Variants in A2M observed in about 807,000 individuals in gnomAD.
A2M encodes the protein alpha-2-macroglobulin.
Under a neutral mutation model 183.9 loss-of-function variants are expected in A2M, and 128 were observed. That is an observed-to-expected ratio of 0.70 (90% CI 0.60 to 0.81). The LOEUF is 0.81. Among genes scored for constraint, A2M ranks in the 30% least tolerant of loss-of-function variants. The pLI is 0.00. For missense variants in A2M, 1,495 were observed against 1,787.6 expected, an observed-to-expected ratio of 0.84 and a Z score of 2.95; for synonymous variants, 592 against 670.8, an observed-to-expected ratio of 0.88 and a Z score of 1.81.
rs112712055 is a variant in A2M at position 9,090,484 on chromosome 12, T to C, written c.2470-2A>G. On this transcript the variant is annotated splice_acceptor_variant, in intron 19 of 35. Transcript: ENST00000318602. LOFTEE classifies it high-confidence loss of function. ...AGAGGCTTCCAGCTGCACACTGACC[T>C]GAAACCACACATAAGAAAGGGAGTA... 6.2e-7 allele frequency: 1 copy of C among 1,613,470 alleles called. No homozygotes were observed. The highest frequency in any genetic ancestry group is 1.7e-5 in the Admixed American group (1 of 60,006).
rs771205852 is a variant in A2M at position 9,107,683 on chromosome 12, C to A, written c.759-39G>T. 19 of 1,607,840 alleles carry A rather than the reference C, an allele frequency of 1.2e-5. No individual in the cohort carries two copies. In the Admixed American group the frequency reaches 3.2e-4, roughly 27 times the overall value. On this transcript the variant is annotated intron_variant, in intron 7 of 35. Coordinates refer to ENST00000318602, the MANE Select transcript of A2M (RefSeq NM_000014.6). ...ATTCCCAAAGGAATCAGAGCAGACA[C>A]TGAACCTCCCCATTTTCTAGCTATT...
intron 33 of A2M, 147 bp from the exon 34 acceptor site, chr12:9,068,989 C>T: frequency 1.9e-6 from 1 of 535,662 alleles, no homozygotes; most frequent in Non-Finnish European, 3.2e-6. Flanking sequence ...GCAGAAATCT[C>T]TCAGAGGGGA....
At chr12:9,074,886 A>G in intron 28 of A2M, 103 bp from the exon 29 acceptor site, 1 of 1,196,960 alleles carries the variant, frequency 8.4e-7, no homozygotes, top group Non-Finnish European at 1.2e-6. Flanking sequence ...CATGCCCATT[A>G]TAATCCCCTG....
chr12:9,111,397 G>C (rs1251479121), intron 4 of A2M: 2 of 392,260 alleles, frequency 5.1e-6, no homozygotes, highest in African/African-American at 4.2e-5. Context: ...CCTCATTTTA[G>C]ACAGAGGAGT....
At chr12:9,111,276 T>C (rs1391524500) in intron 4 of A2M, among the ~76,000 whole-genome samples, 1 of 152,146 alleles carries the variant, frequency 6.6e-6, no homozygotes, top group East Asian at 1.9e-4. Flanking sequence ...TAATGGAGCT[T>C]ATGTTATAAT....
intron 22 of A2M, among the ~76,000 whole-genome samples, chr12:9,080,812 G>A (rs1948888609): frequency 6.6e-6 from 1 of 151,884 alleles, no homozygotes; most frequent in Non-Finnish European, 1.5e-5. Flanking sequence ...AATGAGAGAA[G>A]TATGGTATTT....
chr12:9,115,536 T>TTC (rs1939053611), intron 1 of A2M: 4 of 429,418 alleles, frequency 9.3e-6, no homozygotes, highest in Non-Finnish European at 1.7e-5. Flanking sequence ...AGCTAAAAAT[T>TTC]TCTGACACCC....
chr12:9,105,989 A>G (rs960256329), intron 10 of A2M, among the ~76,000 whole-genome samples: 4 of 152,054 alleles, frequency 2.6e-5, no homozygotes, highest in African/African-American at 7.2e-5. Flanking sequence ...AGGGGGGAAA[A>G]CTCTACTAAT....
rs1938121702 is a variant in A2M, at chr12:9,104,355, T to C, written c.1150A>G (p.Ile384Val). 1 of 1,604,890 alleles carries C rather than the reference T, an allele frequency of 6.2e-7. No homozygotes were observed. Among genetic ancestry groups the C allele is most frequent in the Non-Finnish European group, 8.5e-7 (1 of 1,175,116 alleles). The change falls in exon 11 of 36, where the codon ATA (isoleucine) becomes GTA (valine). Residue 384 changes from isoleucine to valine, a missense_variant. Physicochemically the swap from Ile to Val is conservative, Grantham distance 29. Transcript: ENST00000318602. ...GKGVPIPNKV[I>V]FIRGNEANYY... is the part of the protein sequence containing the mutation. ...TTTGCTTCATTTCCTCTGATGAATATGACTTTATTTGGTATAGGGACGCCT... is the reference window on the plus strand; with the variant it reads ...TTTGCTTCATTTCCTCTGATGAATACGACTTTATTTGGTATAGGGACGCCT...
At chr12:9,112,691 T>C in intron 2 of A2M, 155 bp from the exon 3 acceptor site, 1 of 728,804 alleles carries the variant, frequency 1.4e-6, no homozygotes. Context: ...GAATCACTTC[T>C]GCCATTTTAC....
In A2M at chr12:9,089,896, A is replaced by G. The variant is rs1267239814; in HGVS notation, c.2718+6T>C. ...TGTGGACTATATATTATTTAGGTTT[A>G]CTTACTTCAACCAACAGAGGCTTGA... On this transcript the variant is annotated splice_donor_region_variant and intron_variant, in intron 21 of 35. Transcript: ENST00000318602. 2 of 1,606,156 alleles carry G rather than the reference A, an allele frequency of 1.2e-6. No individual in the cohort carries two copies. The highest frequency in any genetic ancestry group is 2.7e-5 in the African/African-American group (2 of 74,822).
chr12:9,089,876 A>C, intron 21 of A2M, 26 bp downstream of exon 21: 1 of 1,538,816 alleles, frequency 6.5e-7, no homozygotes, highest in Non-Finnish European at 8.9e-7. Flanking sequence ...ATTATTGTGG[A>C]CTATATATTA....
intron 13 of A2M, among the ~76,000 whole-genome samples, chr12:9,099,939 C>T (rs912237705): frequency 2.0e-5 from 3 of 152,222 alleles, no homozygotes; most frequent in African/African-American, 7.2e-5. Context: ...ACACCATGCT[C>T]CTTCAGAAGT....
At position 9,099,418 on chromosome 12, in the gene A2M, G is replaced by A; in HGVS notation, c.1664C>T (p.Ser555Phe). 6.3e-7 allele frequency: 1 copy of A among 1,575,860 alleles called. No individual in the cohort carries two copies. Among genetic ancestry groups the A allele is most frequent in the Non-Finnish European group, 8.6e-7 (1 of 1,160,334 alleles). ...ACAATTTTCAACATCATATTTTGCA[G>A]AATCCCCAATCACGTCCCCGGTAGG... ...VLPTGDVIGD[S>F]AKYDVENCLA... The change falls in exon 14 of 36, where the codon TCT (serine) becomes TTT (phenylalanine). Residue 555 changes from serine to phenylalanine, a missense_variant. Transcript: ENST00000318602.
chr12:9,099,307 A>C, intron 14 of A2M, 74 bp downstream of exon 14: 1 of 1,426,606 alleles, frequency 7.0e-7, no homozygotes. Context: ...TAATGTTCAC[A>C]TGTGTAAAAC....
rs780531374 is a variant in A2M at position 9,113,662 on chromosome 12, G to A, written c.87-119C>T. 7.8e-6 allele frequency: 8 copies of A among 1,024,554 alleles called. No homozygotes were observed. In the Admixed American group the frequency reaches 2.0e-4, roughly 25 times the overall value. 63.5% of individuals were successfully genotyped at this position (1,024,554 alleles called of 1,614,324 possible). A position where few individuals can be genotyped will look rare whatever the true frequency, so the allele number is the denominator to read the frequency against. On this transcript the variant is annotated intron_variant, in intron 1 of 35. Transcript: ENST00000318602. Reference sequence around the variant, plus strand: ...GTTCTACACCAAGAGAAGATGTACTGATGAGCATGAAATTTGGCCGTTGAA... The same window carrying A: ...GTTCTACACCAAGAGAAGATGTACTAATGAGCATGAAATTTGGCCGTTGAA...
chr12:9,098,604 C>CA lies in A2M; in HGVS notation c.1851+2dup. The CA allele has an allele frequency of 6.3e-7, 1 of 1,594,144 alleles. No individual in the cohort carries two copies. Among genetic ancestry groups the CA allele is most frequent in the South Asian group, 1.1e-5 (1 of 87,592 alleles). On this transcript the variant is annotated splice_region_variant and intron_variant, in intron 15 of 35. Coordinates refer to ENST00000318602, the MANE Select transcript of A2M (RefSeq NM_000014.6). ...TTGATTCCTGAGGCTGCCAGGAACT[C>CA]ACCGAGGACGCCGAGAGCTCAGCAT...
At chr12:9,077,226 G>C in intron 27 of A2M, 120 bp downstream of exon 27, 1 of 981,586 alleles carries the variant, frequency 1.0e-6, no homozygotes, top group Non-Finnish European at 1.5e-6. Flanking sequence ...GGGAAGCACT[G>C]GCATTGCATA....
At chr12:9,091,163 T>A in intron 19 of A2M, 38 bp downstream of exon 19, 1 of 1,593,856 alleles carries the variant, frequency 6.3e-7, no homozygotes, top group Non-Finnish European at 8.6e-7. Context: ...ATTTACTTGA[T>A]GGCTACCTTG....
Sources: gnomAD v4.1 joint callset for allele counts (sites outside exome capture counted in the v4.1 genomes callset) on GRCh38, gnomAD v4.1.1 for gene constraint, MANE v1.5 for transcripts, NCBI Gene and HGNC (gene_info 2026-07-23, HGNC 2026-07-21) for gene names.